Variants in VCF1 observed in about 807,000 individuals in gnomAD.
The protein encoded by VCF1 is protein VCF1.
At chr17:73,225,876 AT>A in the VCF1 span, among the ~76,000 whole-genome samples, 1 of 102,632 alleles carries the variant, frequency 9.7e-6, no homozygotes, top group African/African-American at 3.8e-5. Flanking sequence ...AAATATATAT[AT>A]ATATAATATA....
At chr17:73,227,032 CAGAA>C in the VCF1 span, 1 of 635,322 alleles carries the variant, frequency 1.6e-6, no homozygotes, top group East Asian at 3.1e-5. Flanking sequence ...GATTTGGAAA[CAGAA>C]AGGTTAAACC....
the VCF1 span, among the ~76,000 whole-genome samples, chr17:73,223,601 CT>C: frequency 6.6e-6 from 1 of 151,662 alleles, no homozygotes; most frequent in Non-Finnish European, 1.5e-5. Flanking sequence ...AAAAGGTTAA[CT>C]TTTAGAAATG....
the VCF1 span, chr17:73,209,631 G>C: frequency 6.4e-7 from 1 of 1,562,852 alleles, no homozygotes; most frequent in Non-Finnish European, 8.7e-7. Context: ...CGGACTGCTC[G>C]GGCACGGGCT....
chr17:73,213,273 T>C, the VCF1 span, among the ~76,000 whole-genome samples: 1 of 152,112 alleles, frequency 6.6e-6, no homozygotes, highest in East Asian at 1.9e-4. Context: ...TACTGGGCCT[T>C]GTTTATAATG....
the VCF1 span, among the ~76,000 whole-genome samples, chr17:73,211,403 A>C: frequency 1.3e-5 from 2 of 152,128 alleles, no homozygotes; most frequent in African/African-American, 2.4e-5. Context: ...ACCCCGTATC[A>C]ATTAAAAATA....
chr17:73,218,214 T>A, the VCF1 span, among the ~76,000 whole-genome samples: 1 of 152,336 alleles, frequency 6.6e-6, no homozygotes, highest in East Asian at 1.9e-4. Context: ...GCATCTAATG[T>A]AAAATTTTGT....
the VCF1 span, chr17:73,212,707 T>C: frequency 6.3e-7 from 1 of 1,595,408 alleles, no homozygotes. Flanking sequence ...CCTCTTAGTC[T>C]GTTTTCTTTA....
At chr17:73,230,049 C>G in the VCF1 span, among the ~76,000 whole-genome samples, 1 of 152,156 alleles carries the variant, frequency 6.6e-6, no homozygotes, top group South Asian at 2.1e-4. Flanking sequence ...GTAATCCCAG[C>G]ACTTTGGGAT....
chr17:73,230,157 T>A, the VCF1 span, among the ~76,000 whole-genome samples: 1 of 151,806 alleles, frequency 6.6e-6, no homozygotes, highest in African/African-American at 2.4e-5. Flanking sequence ...ATTAGCTGGG[T>A]GTGGTAGCTC....
chr17:73,229,847 G>A, the VCF1 span, among the ~76,000 whole-genome samples: 5 of 66,010 alleles, frequency 7.6e-5, no homozygotes, highest in Admixed American at 4.1e-4. Flanking sequence ...CAGCCTGGCC[G>A]ACACAGTGAG....
At chr17:73,231,991 T>C in the VCF1 span, 2 of 1,341,828 alleles carry the variant, frequency 1.5e-6, no homozygotes, top group African/African-American at 3.0e-5. Context: ...CCCCGCCGGG[T>C]CCACTCTTGC....
chr17:73,224,960 G>GACAGCACAGCACAGCACAGC, the VCF1 span, among the ~76,000 whole-genome samples: 64 of 47,236 alleles, frequency 1.4e-3, 2 homozygotes, highest in East Asian at 3.9e-3. Flanking sequence ...CACAGGACAG[G>GACAGCACAGCACAGCACAGC]ACAGCACAGC....
chr17:73,223,290 C>A, the VCF1 span, among the ~76,000 whole-genome samples: 2 of 152,136 alleles, frequency 1.3e-5, no homozygotes, highest in Non-Finnish European at 2.9e-5. Flanking sequence ...GCACTCCAGT[C>A]TGGGCAACAA....
chr17:73,209,299 C>T, the VCF1 span: 1 of 591,266 alleles, frequency 1.7e-6, no homozygotes, highest in Non-Finnish European at 3.0e-6. Context: ...GATTTGATAC[C>T]CTCCCTCAAA....
the VCF1 span, among the ~76,000 whole-genome samples, chr17:73,223,477 T>C: frequency 6.6e-6 from 1 of 152,214 alleles, no homozygotes; most frequent in Admixed American, 6.5e-5. Flanking sequence ...GCAGATACTA[T>C]TATCTCCACT....
chr17:73,219,204 A>C, the VCF1 span, among the ~76,000 whole-genome samples: 38 of 151,766 alleles, frequency 2.5e-4, 1 homozygote, highest in South Asian at 7.9e-3. Context: ...AAAAAAAAAA[A>C]AAAAAAAAAC....
At chr17:73,231,395 C>G in the VCF1 span, among the ~76,000 whole-genome samples, 2 of 152,096 alleles carry the variant, frequency 1.3e-5, no homozygotes, top group Non-Finnish European at 2.9e-5. Context: ...AGCACAGAAC[C>G]CCTAATTTAA....
chr17:73,213,694 G>C, the VCF1 span, among the ~76,000 whole-genome samples: 4 of 152,324 alleles, frequency 2.6e-5, no homozygotes, highest in East Asian at 5.8e-4. Context: ...CATGGGCCAG[G>C]CATGGTGGCT....
the VCF1 span, among the ~76,000 whole-genome samples, chr17:73,210,011 G>T: frequency 6.6e-6 from 1 of 152,186 alleles, no homozygotes; most frequent in African/African-American, 2.4e-5. Flanking sequence ...AGGAGGATGG[G>T]TCCAGTCCAG....
Sources: allele counts gnomAD v4.1 joint callset (sites outside exome capture counted in the v4.1 genomes callset), GRCh38; gene constraint gnomAD v4.1.1; transcripts MANE v1.5; gene names NCBI Gene and HGNC (gene_info 2026-07-23, HGNC 2026-07-21).